The following THSD7B variants were observed in gnomAD, a reference collection of about 807,000 sequenced individuals.
The protein encoded by THSD7B is thrombospondin type-1 domain-containing protein 7B.
A neutral mutation model predicts 213.6 loss-of-function variants in THSD7B; 138 were observed. The ratio of observed to expected loss-of-function variants is 0.65; its 90% CI spans 0.56 to 0.74. THSD7B has a LOEUF of 0.74. Among genes scored for constraint, THSD7B ranks in the 30% least tolerant of loss-of-function variants. The probability of loss-of-function intolerance (pLI) is 0.00; values close to 1 mark genes in which losing one functional copy is unlikely to be tolerated. For missense variants in THSD7B, 1,931 were observed against 1,991.5 expected (o/e 0.97, Z 0.58); for synonymous variants, 742 against 687.0 (o/e 1.08, Z -1.25).
intron 1 of THSD7B, among the ~76,000 whole-genome samples, chr2:136,851,488 C>G (rs1683098690): frequency 6.6e-6 from 1 of 152,072 alleles, no homozygotes; most frequent in Non-Finnish European, 1.5e-5. Context: ...ACATTTATGT[C>G]ATTGTATTGT....
chr2:137,546,114 C>T (rs1307905729), intron 15 of THSD7B, among the ~76,000 whole-genome samples: 5 of 150,028 alleles, frequency 3.3e-5, no homozygotes, highest in African/African-American at 1.2e-4. Context: ...ATAAGAAAGA[C>T]TCTAAATTCA....
intron 16 of THSD7B, among the ~76,000 whole-genome samples, chr2:137,570,625 C>G (rs995996021): frequency 7.2e-5 from 11 of 152,158 alleles, no homozygotes; most frequent in African/African-American, 2.7e-4. Context: ...ACCAAAAGCT[C>G]TTTAGCGTAT....
chr2:137,200,188 G>T (rs1242919094), intron 7 of THSD7B, among the ~76,000 whole-genome samples: 1 of 152,084 alleles, frequency 6.6e-6, no homozygotes, highest in South Asian at 2.1e-4. Flanking sequence ...TTATTCAAGG[G>T]CATAGGAGTA....
At chr2:136,920,820 A>G (rs1684424352) in intron 2 of THSD7B, among the ~76,000 whole-genome samples, 1 of 152,070 alleles carries the variant, frequency 6.6e-6, no homozygotes, top group South Asian at 2.1e-4. Context: ...CAAAGTCCAG[A>G]AGGAGCCGAA....
At chr2:137,665,303 A>T (rs1207545125) in intron 26 of THSD7B, among the ~76,000 whole-genome samples, 1 of 152,180 alleles carries the variant, frequency 6.6e-6, no homozygotes, top group African/African-American at 2.4e-5. Context: ...TTAACCTTTT[A>T]TCCATGGATG....
chr2:137,303,883 C>T (rs1360276425), intron 12 of THSD7B, among the ~76,000 whole-genome samples: 2 of 150,820 alleles, frequency 1.3e-5, no homozygotes, highest in South Asian at 2.1e-4. Flanking sequence ...TAGGTATACA[C>T]GTGCCATGGT....
At chr2:137,098,406 A>G (rs2104922191) in intron 4 of THSD7B, among the ~76,000 whole-genome samples, 1 of 152,322 alleles carries the variant, frequency 6.6e-6, no homozygotes, top group Non-Finnish European at 1.5e-5. Context: ...CCTGGAACCT[A>G]AATTTTAGTG....
At chr2:137,296,796 C>T (rs12617400) in intron 12 of THSD7B, among the ~76,000 whole-genome samples, 9,341 of 152,044 alleles carry the variant, frequency 0.061, 536 homozygotes, top group African/African-American at 0.14. Flanking sequence ...TGGGCTCTGT[C>T]TGGTTTGGGT....
chr2:136,916,299 G>T (rs963433148), intron 2 of THSD7B, among the ~76,000 whole-genome samples: 1 of 152,124 alleles, frequency 6.6e-6, no homozygotes, highest in African/African-American at 2.4e-5. Flanking sequence ...AGAATATTCC[G>T]GTCTACTGGT....
At chr2:136,849,236 T>C (rs1030528557) in intron 1 of THSD7B, among the ~76,000 whole-genome samples, 2 of 152,182 alleles carry the variant, frequency 1.3e-5, no homozygotes, top group Non-Finnish European at 2.9e-5. Flanking sequence ...GCCTAGTAGG[T>C]GCCATAGCTT....
chr2:137,333,552 G>T (rs559997899), intron 12 of THSD7B, among the ~76,000 whole-genome samples: 2 of 152,202 alleles, frequency 1.3e-5, no homozygotes, highest in South Asian at 4.2e-4. Flanking sequence ...CTGGCCCTTG[G>T]CACATCCTGC....
intron 17 of THSD7B, among the ~76,000 whole-genome samples, chr2:137,592,658 T>G (rs975518384): frequency 4.6e-5 from 7 of 151,920 alleles, no homozygotes; most frequent in Admixed American, 6.6e-5. Context: ...GGTTTAGGGT[T>G]TTACATGTTT....
intron 7 of THSD7B, among the ~76,000 whole-genome samples, chr2:137,221,621 C>T (rs1272127872): frequency 6.6e-6 from 1 of 152,138 alleles, no homozygotes; most frequent in Non-Finnish European, 1.5e-5. Flanking sequence ...GGAAAGTAAT[C>T]AACGTGTTAT....
At chr2:137,315,761 A>T (rs1376422653) in intron 12 of THSD7B, among the ~76,000 whole-genome samples, 4 of 152,186 alleles carry the variant, frequency 2.6e-5, no homozygotes, top group African/African-American at 9.7e-5. Flanking sequence ...TTTGTTTCTC[A>T]GATAGCTAGC....
At chr2:136,918,939 C>T (rs1009837702) in intron 2 of THSD7B, among the ~76,000 whole-genome samples, 1 of 152,140 alleles carries the variant, frequency 6.6e-6, no homozygotes, top group South Asian at 2.1e-4. Context: ...CCTGGGCATG[C>T]GTGAGTGATG....
chr2:137,605,597 TA>T, intron 17 of THSD7B, among the ~76,000 whole-genome samples: 1 of 146,512 alleles, frequency 6.8e-6, no homozygotes, highest in Non-Finnish European at 1.5e-5. Context: ...GCCATAGTGT[TA>T]AAAGTAAAAA....
At chr2:137,387,370 G>T (rs1685920572) in intron 12 of THSD7B, among the ~76,000 whole-genome samples, 1 of 152,142 alleles carries the variant, frequency 6.6e-6, no homozygotes, top group East Asian at 1.9e-4. Flanking sequence ...TCTGCCCAGA[G>T]CTTAAGATAG....
At chr2:136,866,269 A>G (rs1466873586) in intron 1 of THSD7B, among the ~76,000 whole-genome samples, 1 of 143,072 alleles carries the variant, frequency 7.0e-6, no homozygotes, top group East Asian at 1.9e-4. Context: ...TAAGAAGTTT[A>G]TGAATTTTTT....
intron 15 of THSD7B, among the ~76,000 whole-genome samples, chr2:137,497,597 ATATG>A (rs923847004): frequency 1.3e-4 from 19 of 150,620 alleles, no homozygotes; most frequent in African/African-American, 4.2e-4. Flanking sequence ...CTGTATATAT[ATATG>A]TATGTGTGTG....
Sources: gnomAD v4.1 joint callset for allele counts (sites outside exome capture counted in the v4.1 genomes callset) on GRCh38, gnomAD v4.1.1 for gene constraint, MANE v1.5 for transcripts, NCBI Gene and HGNC (gene_info 2026-07-23, HGNC 2026-07-21) for gene names.